The following TMEM25 variants were observed in gnomAD, a reference collection of about 807,000 sequenced individuals.
The protein encoded by TMEM25 is 0610039J01Rik.
TMEM25 carries 36 observed loss-of-function variants against 37.0 expected under a neutral mutation model. That is an observed-to-expected ratio of 0.97 (90% CI 0.75 to 1.28). TMEM25 has a LOEUF of 1.28. TMEM25 is among the 50% of genes most tolerant of loss of function. The pLI is 0.00. For synonymous variants in TMEM25, 197 were observed against 203.7 expected (o/e 0.97, Z 0.28); for missense variants, 444 against 477.9 (o/e 0.93, Z 0.66).
chr11:118,531,969 A>G, intron 2 of TMEM25, 98 bp downstream of exon 2: 1 of 1,439,450 alleles, frequency 6.9e-7, no homozygotes, highest in African/African-American at 1.4e-5. Flanking sequence ...TCCAGGCCCC[A>G]AGCCCTGGAG....
intron 2 of TMEM25, 23 bp downstream of exon 2, chr11:118,531,894 A>G: frequency 6.4e-7 from 1 of 1,551,036 alleles, no homozygotes; most frequent in Non-Finnish European, 8.7e-7. Context: ...TCAGTCGTTG[A>G]CCAAGTCCTT....
chr11:118,540,810 A>G (rs1011859019), downstream of TMEM25, among the ~76,000 whole-genome samples: 2 of 152,180 alleles, frequency 1.3e-5, no homozygotes, highest in Non-Finnish European at 2.9e-5. Context: ...TTACAACATG[A>G]AAGAACCTTG....
In TMEM25 at chr11:118,534,971, G is replaced by A; in HGVS notation, c.*391G>A. The A allele has an allele frequency of 9.4e-7, 1 of 1,062,418 alleles. No individual in the cohort carries two copies. The highest frequency in any genetic ancestry group is 1.1e-6 in the Non-Finnish European group (1 of 878,228). The allele number at this position is 1,062,418 out of a possible 1,614,324, so 65.8% of individuals were successfully genotyped here. Reference sequence around the variant, plus strand: ...AGCACCTTGTACAGTAGGCATGGGGGCGTGCCTGTGTGGGGGACAGGGAGG... The same window carrying A: ...AGCACCTTGTACAGTAGGCATGGGGACGTGCCTGTGTGGGGGACAGGGAGG... On this transcript the variant is annotated 3_prime_UTR_variant, in exon 9 of 9. Transcript: ENST00000313236. The surrounding 1 kb of genome is among the most constrained non-coding windows in gnomAD (Gnocchi z 4.6).
At chr11:118,540,000 G>A (rs1395383383), downstream of TMEM25, among the ~76,000 whole-genome samples, 7 of 135,162 alleles carry the variant, frequency 5.2e-5, no homozygotes, top group South Asian at 7.6e-4. Context: ...CGGCCTGGGC[G>A]ACAGAGCAAG....
chr11:118,532,659 A>G, intron 3 of TMEM25, 198 bp downstream of exon 3: 1 of 793,454 alleles, frequency 1.3e-6, no homozygotes, highest in Non-Finnish European at 1.9e-6. Flanking sequence ...TGAGGCAGAA[A>G]GAGGTAAGCA....
At chr11:118,543,066 T>C (rs1424893468) in intron 8 of TMEM25, among the ~76,000 whole-genome samples, 1 of 150,428 alleles carries the variant, frequency 6.6e-6, no homozygotes, top group African/African-American at 2.4e-5. Context: ...ACGGTGAAAC[T>C]CCATCTCTAC....
chr11:118,534,195 T>C lies in TMEM25; in HGVS notation c.937+66T>C, dbSNP rs114968068. On this transcript the variant is annotated intron_variant, in intron 7 of 8. Coordinates refer to ENST00000313236, the MANE Select transcript of TMEM25 (RefSeq NM_032780.4). This position sits in a 1 kb window ranked among gnomAD's most constrained non-coding sequence, Gnocchi z 4.6. ...AGAAGTGCTTCTGAGAAAAAGAACT[T>C]GGTGCTTGGGAGGGGCGAGGCCTCA... 4.7e-3 allele frequency: 7,637 copies of C among 1,613,250 alleles called. 286 individuals are homozygous for C. In the African/African-American group the frequency reaches 0.084, roughly 18 times the overall value.
intron 8 of TMEM25, among the ~76,000 whole-genome samples, chr11:118,544,088 G>A (rs1482864843): frequency 6.6e-6 from 1 of 152,248 alleles, no homozygotes; most frequent in African/African-American, 2.4e-5. Flanking sequence ...GATTACAGGC[G>A]TGAGCCACTG....
chr11:118,533,463 T>C lies in TMEM25; in HGVS notation c.717T>C (p.Val239=). 2 of 1,614,174 alleles carry C rather than the reference T, an allele frequency of 1.2e-6. No individual in the cohort carries two copies. Among genetic ancestry groups the C allele is most frequent in the Non-Finnish European group, 1.7e-6 (2 of 1,180,004 alleles). ...TGGAAGTGCCACTGCTGGGCATTGT[T>C]GTGGCTGCTGGGCTTGCACTGGGCA... ...TRVEVPLLGI[V]VAAGLALGTL... The change falls in exon 5 of 9, where the codon GTT becomes GTC. Residue 239 remains valine (V), a synonymous_variant. Transcript: ENST00000313236.
chr11:118,539,163 A>C (rs1951546635), downstream of TMEM25, among the ~76,000 whole-genome samples: 1 of 107,682 alleles, frequency 9.3e-6, no homozygotes, highest in Non-Finnish European at 1.8e-5. Flanking sequence ...CTTGGTCATA[A>C]ATTTTTTTTT....
intron 3 of TMEM25, 156 bp from the exon 4 acceptor site, chr11:118,532,761 C>T (rs143302188): frequency 1.3e-4 from 145 of 1,097,750 alleles, no homozygotes; most frequent in African/African-American, 1.3e-3. Context: ...ATAATCACTC[C>T]GAAATGCTGC....
rs1427238206 is a variant in TMEM25, at chr11:118,533,880, A to G, written c.829A>G (p.Ile277Val). The G allele has an allele frequency of 1.2e-6, 2 of 1,614,096 alleles. No individual in the cohort carries two copies. Among genetic ancestry groups the G allele is most frequent in the Non-Finnish European group, 1.7e-6 (2 of 1,180,018 alleles). Residue 277 changes from isoleucine to valine, a missense_variant, in exon 6 of 9, where the codon ATA becomes GTA. Physicochemically the swap from Ile to Val is conservative, Grantham distance 29 (BLOSUM62 3). Transcript: ENST00000313236. ...TKGPSRHPSL[I>V]SSDSNNLKLN... ...AGGCCCCTCCCGGCACCCATCTCTGATATCAAGGTAACTCTTCCTTGGGCT... is the reference window on the plus strand; with the variant it reads ...AGGCCCCTCCCGGCACCCATCTCTGGTATCAAGGTAACTCTTCCTTGGGCT...
Position 118,533,030 on chromosome 11 carries a change from A to G in TMEM25, c.496A>G (p.Ile166Val), listed in dbSNP as rs201591547. 1.6e-5 allele frequency: 26 copies of G among 1,614,226 alleles called. No individual in the cohort carries two copies. The East Asian group carries it at 5.8e-4, about 36-fold the overall frequency. The stretch of plus-strand genomic sequence containing the variant: ...CAACCCGCCGGCCAATGTCACCTGG[A>G]TCGACCAGGATGGGCCAGTGACTGT... Reference protein sequence around the residue: ...RANPPANVTWIDQDGPVTVNT... With the variant: ...RANPPANVTWVDQDGPVTVNT... The change falls in exon 4 of 9, where the codon ATC becomes GTC. Residue 166 changes from isoleucine to valine, a missense_variant. By Grantham distance (29) the Ile-to-Val change is conservative. Transcript: ENST00000313236.
At chr11:118,546,191 G>C in exon 9 of TMEM25, 1 of 718,086 alleles carries the variant, frequency 1.4e-6, no homozygotes, top group Non-Finnish European at 2.6e-6. Context: ...GCCAAGAAGA[G>C]ACCCCTCAGA....
Position 118,545,939 on chromosome 11 carries a change from C to A in TMEM25, c.1028-180C>A. ...CTCTCTCTCTGAAGCAAAAGAGCTT[C>A]TAGCATAAGACACAGGTTATGGGCT... On this transcript the variant is annotated intron_variant, in intron 8 of 8. Transcript: ENST00000354284. 5 of 1,182,430 alleles carry A rather than the reference C, an allele frequency of 4.2e-6. No individual in the cohort carries two copies. The Admixed American group carries it at 8.6e-5, about 20-fold the overall frequency. The allele number at this position is 1,182,430 out of a possible 1,614,324, so 73.2% of individuals were successfully genotyped here. A position where few individuals can be genotyped will look rare whatever the true frequency, so the allele number is the denominator to read the frequency against.
chr11:118,546,296 G>A (rs763170497), exon 9 of TMEM25: 13 of 631,062 alleles, frequency 2.1e-5, no homozygotes, highest in Admixed American at 8.3e-5. Flanking sequence ...CTAGGAGTTC[G>A]AGACCAGCCT....
Position 118,532,404 on chromosome 11 carries a change from C to T in TMEM25, c.325C>T (p.Leu109=). 1 of 1,614,204 alleles carries T rather than the reference C, an allele frequency of 6.2e-7. No homozygotes were observed. The highest frequency in any genetic ancestry group is 8.5e-7 in the Non-Finnish European group (1 of 1,180,030). ...GGCCCAGCATGAGCTCAACTGCTCT[C>T]TGCAGGACCCCAGAAGTGGCCGATC... is the stretch of plus-strand genomic sequence containing the variant. The part of the protein sequence containing the change: ...HRAQHELNCS[L]QDPRSGRSAN... The change falls in exon 3 of 9, where the codon CTG becomes TTG. Residue 109 remains leucine (L), a synonymous_variant. Transcript: ENST00000313236.
intron 8 of TMEM25, chr11:118,545,628 G>A (rs1431345176): frequency 1.9e-6 from 2 of 1,062,262 alleles, no homozygotes; most frequent in Non-Finnish European, 2.9e-6. Flanking sequence ...CCAGCAGGTA[G>A]TCACATAAGC....
Position 118,545,593 on chromosome 11 carries a change from C to T in TMEM25, c.1028-526C>T, listed in dbSNP as rs1214483050. The T allele has an allele frequency of 4.3e-5, 50 of 1,150,168 alleles. No individual in the cohort carries two copies. In the East Asian group the frequency reaches 6.6e-4, roughly 15 times the overall value. 71.2% of individuals were successfully genotyped at this position (1,150,168 alleles called of 1,614,324 possible). On this transcript the variant is annotated intron_variant, in intron 8 of 8. Coordinates refer to the TMEM25 transcript ENST00000354284. ...GGCAAAGCCCTGGCAGATGGGGTGT[C>T]GCTATGACTTTGGGGGTTAAATACC...
Sources: gnomAD v4.1 joint callset for allele counts (sites outside exome capture counted in the v4.1 genomes callset) on GRCh38, gnomAD v4.1.1 for gene constraint, Gnocchi (gnomAD v3.1) non-coding constraint, MANE v1.5 for transcripts, NCBI Gene and HGNC (gene_info 2026-07-23, HGNC 2026-07-21) for gene names.